MFSD6: variants seen among roughly 807,000 people sequenced by gnomAD.
MFSD6 encodes the protein major facilitator superfamily domain containing 6, also known as major facilitator superfamily domain-containing protein 6.
A neutral mutation model predicts 56.3 loss-of-function variants in MFSD6; 26 were observed. The observed-to-expected ratio is 0.46, with a 90% CI of 0.34 to 0.64. The LOEUF (loss-of-function observed/expected upper bound fraction) is 0.64, where lower values mean the gene tolerates loss of function less well. MFSD6 is among the 30% of genes least tolerant of loss of function. The probability of loss-of-function intolerance (pLI) is 0.01; values close to 1 mark genes in which losing one functional copy is unlikely to be tolerated. For missense variants in MFSD6, 750 were observed against 986.2 expected (o/e 0.76, Z 3.21); for synonymous variants, 331 against 366.9 (o/e 0.90, Z 1.12).
intron 4 of MFSD6, among the ~76,000 whole-genome samples, chr2:190,484,475 C>T (rs1279070276): frequency 3.9e-5 from 6 of 152,118 alleles, no homozygotes; most frequent in African/African-American, 1.2e-4. Flanking sequence ...ATGTCGTTTT[C>T]GGTAGCACAA....
chr2:190,489,670 T>C lies in MFSD6; in HGVS notation c.1793-98T>C. ...CTTTTCTCTGGTTTGTCTCAAGCTGTGCTTCCTTTGCTTTGATCTTTAGAA... is the reference window on the plus strand; with the variant it reads ...CTTTTCTCTGGTTTGTCTCAAGCTGCGCTTCCTTTGCTTTGATCTTTAGAA... On this transcript the variant is annotated intron_variant, in intron 5 of 7. Coordinates refer to ENST00000392328, the MANE Select transcript of MFSD6 (RefSeq NM_017694.4). This position sits in a 1 kb window ranked among gnomAD's most constrained non-coding sequence, Gnocchi z 6.6. The C allele has an allele frequency of 8.8e-7, 1 of 1,132,414 alleles. No homozygotes were observed. Among genetic ancestry groups the C allele is most frequent in the South Asian group, 1.5e-5 (1 of 64,904 alleles). 70.1% of individuals were successfully genotyped at this position (1,132,414 alleles called of 1,614,324 possible). A position where few individuals can be genotyped will look rare whatever the true frequency, so the allele number is the denominator to read the frequency against.
intron 3 of MFSD6, among the ~76,000 whole-genome samples, chr2:190,440,507 A>G (rs1055207779): frequency 6.6e-6 from 1 of 152,270 alleles, no homozygotes; most frequent in Non-Finnish European, 1.5e-5. Context: ...TTAACAGGAT[A>G]TAAATGTATC....
chr2:190,490,110 A>C lies in MFSD6; in HGVS notation c.1891+244A>C, dbSNP rs543883086. Among the ~76,000 whole-genome samples the C allele has an allele frequency of 2.0e-5, 3 of 152,284 alleles. No homozygotes were observed. Among genetic ancestry groups the C allele is most frequent in the South Asian group, 4.1e-4 (2 of 4,828 alleles). On this transcript the variant is annotated intron_variant, in intron 6 of 7. Coordinates refer to ENST00000392328, the MANE Select transcript of MFSD6 (RefSeq NM_017694.4). The surrounding 1 kb of genome is among the most constrained non-coding windows in gnomAD (Gnocchi z 4.5). ...TTTTGTTTGTTTGTTTTCTTTTATAATACAAGGTACTAGGGAAGTATTAGT... is the reference window on the plus strand; with the variant it reads ...TTTTGTTTGTTTGTTTTCTTTTATACTACAAGGTACTAGGGAAGTATTAGT...
In MFSD6 at chr2:190,500,329, A is replaced by G. The variant is rs978376296; in HGVS notation, c.*111A>G. 10 of 1,049,136 alleles carry G rather than the reference A, an allele frequency of 9.5e-6. No homozygotes were observed. In the Admixed American group the frequency reaches 1.4e-4, roughly 14 times the overall value. The allele number at this position is 1,049,136 out of a possible 1,614,324, so 65.0% of individuals were successfully genotyped here. Reference sequence around the variant, plus strand: ...CCCCTGGAGGAGCACAGCACTGCATATGCTTCTAAATATCTAAACTCATTA... The same window carrying G: ...CCCCTGGAGGAGCACAGCACTGCATGTGCTTCTAAATATCTAAACTCATTA... On this transcript the variant is annotated 3_prime_UTR_variant, in exon 8 of 8. Transcript: ENST00000392328. This position sits in a 1 kb window ranked among gnomAD's most constrained non-coding sequence, Gnocchi z 5.3.
Position 190,490,425 on chromosome 2 carries a change from C to T in MFSD6, c.1891+559C>T, listed in dbSNP as rs984409546. Among the ~76,000 whole-genome samples the T allele has an allele frequency of 5.9e-5, 9 of 151,734 alleles. No individual in the cohort carries two copies. The highest frequency in any genetic ancestry group is 2.1e-4 in the South Asian group (1 of 4,808). On this transcript the variant is annotated intron_variant, in intron 6 of 7. Coordinates refer to ENST00000392328, the MANE Select transcript of MFSD6 (RefSeq NM_017694.4). This position sits in a 1 kb window ranked among gnomAD's most constrained non-coding sequence, Gnocchi z 4.5. ...AAAAATATAAAAAATTAGCCGGGCA[C>T]GGTGGTGGGCGCCTGTAATCCCAGC...
intron 3 of MFSD6, among the ~76,000 whole-genome samples, chr2:190,466,665 T>C (rs987682139): frequency 2.0e-5 from 3 of 152,372 alleles, no homozygotes; most frequent in African/African-American, 7.2e-5. Flanking sequence ...TACATGTTTT[T>C]ATCCCCACTT....
At position 190,492,440 on chromosome 2, in the gene MFSD6, G is replaced by C. The variant is rs954252168; in HGVS notation, c.1891+2574G>C. Among the ~76,000 whole-genome samples, 3 of 152,172 alleles carry C rather than the reference G, an allele frequency of 2.0e-5. No homozygotes were observed. The highest frequency in any genetic ancestry group is 2.9e-5 in the Non-Finnish European group (2 of 68,030). The stretch of plus-strand genomic sequence containing the variant: ...TAAAGGAAAACCTCTCAGATTAACA[G>C]CAGATTTCTCAGCAGAAACCCTACA... On this transcript the variant is annotated intron_variant, in intron 6 of 7. Transcript: ENST00000392328. This position sits in a 1 kb window ranked among gnomAD's most constrained non-coding sequence, Gnocchi z 5.2.
Position 190,431,308 on chromosome 2 carries a change from C to G in MFSD6, c.-53-4669C>G, listed in dbSNP as rs1011396482. 7.2e-5 allele frequency among the ~76,000 whole-genome samples: 11 copies of G among 152,260 alleles called. No homozygotes were observed. The highest frequency in any genetic ancestry group is 3.4e-3 in the Middle Eastern group (1 of 294). The stretch of plus-strand genomic sequence containing the variant: ...CCTCACTTCCCAGACGGGGTGGCGG[C>G]CGGGCAGAGGCTGCAATCTCGGCAC... On this transcript the variant is annotated intron_variant, in intron 2 of 7. Transcript: ENST00000392328. The surrounding 1 kb of genome is among the most constrained non-coding windows in gnomAD (Gnocchi z 4.4).
intron 4 of MFSD6, among the ~76,000 whole-genome samples, chr2:190,473,125 C>G (rs1574194344): frequency 6.6e-6 from 1 of 152,168 alleles, no homozygotes; most frequent in African/African-American, 2.4e-5. Context: ...CCAGCTACTG[C>G]AAAAACATGC....
chr2:190,408,080 G>A (rs1045865084), upstream of MFSD6, among the ~76,000 whole-genome samples: 4 of 151,966 alleles, frequency 2.6e-5, no homozygotes. Context: ...CCGCCGGGGC[G>A]GGCTGGAGGC....
rs540979672 is a variant in MFSD6 at position 190,466,268 on chromosome 2, C to G, written c.1533-3490C>G. Among the ~76,000 whole-genome samples, 7 of 152,306 alleles carry G rather than the reference C, an allele frequency of 4.6e-5. No homozygotes were observed. The East Asian group carries it at 1.3e-3, about 29-fold the overall frequency. On this transcript the variant is annotated intron_variant, in intron 3 of 7. Coordinates refer to ENST00000392328, the MANE Select transcript of MFSD6 (RefSeq NM_017694.4). ...AGAACTTAAGACTTCAGCACATGAA[C>G]TGGGGGAACACATGGTTCAGTCATA...
At chr2:190,435,786 A>G in intron 2 of MFSD6, 191 bp from the exon 3 acceptor site, 1 of 468,162 alleles carries the variant, frequency 2.1e-6, no homozygotes, top group Non-Finnish European at 3.7e-6. Context: ...AGTGGCCATA[A>G]AGAGTATTCG....
In MFSD6 at chr2:190,499,950, T is replaced by C. The variant is rs1185497110; in HGVS notation, c.2173-65T>C. On this transcript the variant is annotated intron_variant, in intron 7 of 7. Coordinates refer to ENST00000392328, the MANE Select transcript of MFSD6 (RefSeq NM_017694.4). This position sits in a 1 kb window ranked among gnomAD's most constrained non-coding sequence, Gnocchi z 6.0. The stretch of plus-strand genomic sequence containing the variant: ...ATGTTTCCTGTCTTACTTGAAAGCA[T>C]ATATAAAAAGTTGGATTTATTTGCT... 12 of 1,602,596 alleles carry C rather than the reference T, an allele frequency of 7.5e-6. No homozygotes were observed. The highest frequency in any genetic ancestry group is 1.0e-5 in the Non-Finnish European group (12 of 1,170,442).
chr2:190,437,106 G>T lies in MFSD6; in HGVS notation c.1077G>T (p.Gly359=). Residue 359 remains glycine, a synonymous_variant, in exon 3 of 8, where the codon GGG becomes GGT. Transcript: ENST00000392328. The surrounding 1 kb of genome is among the most constrained non-coding windows in gnomAD (Gnocchi z 5.9). ...THIEVLIDGK[G]CKPPEYRNYQ... Reference sequence around the variant, plus strand: ...TCGAAGTGCTCATCGATGGAAAGGGGTGTAAGCCCCCCGAGTACAGGAATT... The same window carrying T: ...TCGAAGTGCTCATCGATGGAAAGGGTTGTAAGCCCCCCGAGTACAGGAATT... 2.5e-6 allele frequency: 4 copies of T among 1,614,246 alleles called. No individual in the cohort carries two copies. Among genetic ancestry groups the T allele is most frequent in the South Asian group, 1.1e-5 (1 of 91,086 alleles).
chr2:190,421,669 C>T (rs1049901682), intron 2 of MFSD6, among the ~76,000 whole-genome samples: 2 of 152,160 alleles, frequency 1.3e-5, no homozygotes, highest in Non-Finnish European at 2.9e-5. Flanking sequence ...GTCCTGGGCA[C>T]CTCAGCATCC....
Position 190,457,333 on chromosome 2 carries a change from A to G in MFSD6, c.1533-12425A>G, listed in dbSNP as rs1026996664. ...TATGGCTCCTTTCAGTTCTGACTCT[A>G]ATGATCTAACTTTCTTCTTTGGCTG... On this transcript the variant is annotated intron_variant, in intron 3 of 7. Coordinates refer to ENST00000392328, the MANE Select transcript of MFSD6 (RefSeq NM_017694.4). This position sits in a 1 kb window ranked among gnomAD's most constrained non-coding sequence, Gnocchi z 5.1. 6.6e-5 allele frequency among the ~76,000 whole-genome samples: 10 copies of G among 152,230 alleles called. No individual in the cohort carries two copies. Among genetic ancestry groups the G allele is most frequent in the Non-Finnish European group, 1.3e-4 (9 of 68,004 alleles).
chr2:190,462,409 C>T lies in MFSD6; in HGVS notation c.1533-7349C>T, dbSNP rs1333113174. Among the ~76,000 whole-genome samples, 1 of 152,154 alleles carries T rather than the reference C, an allele frequency of 6.6e-6. No homozygotes were observed. The highest frequency in any genetic ancestry group is 1.9e-4 in the East Asian group (1 of 5,184). On this transcript the variant is annotated intron_variant, in intron 3 of 7. Transcript: ENST00000392328. This position sits in a 1 kb window ranked among gnomAD's most constrained non-coding sequence, Gnocchi z 5.7. ...ATTGCACCATCCAAAATGACAGTAG[C>T]TTGTTGAGAAATACTGTTTTCATGA...
chr2:190,482,868 C>CTTTTTTTTTTTTTTTTTTTTT (rs199927176), intron 4 of MFSD6, among the ~76,000 whole-genome samples: 1 of 48,290 alleles, frequency 2.1e-5, no homozygotes, highest in African/African-American at 9.1e-5. Context: ...AGACTATCAT[C>CTTTTTTTTTTTTTTTTTTTTT]TTTTTTTTTT....
chr2:190,483,124 C>G (rs967860901), intron 4 of MFSD6, among the ~76,000 whole-genome samples: 50 of 151,070 alleles, frequency 3.3e-4, no homozygotes, highest in Admixed American at 1.6e-3. Flanking sequence ...GATCTCCTGA[C>G]CTCGTGATCC....
Sources: allele counts gnomAD v4.1 joint callset (sites outside exome capture counted in the v4.1 genomes callset), GRCh38; gene constraint gnomAD v4.1.1; non-coding constraint Gnocchi (gnomAD v3.1); transcripts MANE v1.5; gene names NCBI Gene and HGNC (gene_info 2026-07-23, HGNC 2026-07-21).